The following TAS2R1 variants were observed in gnomAD, a reference collection of about 807,000 sequenced individuals.
TAS2R1 encodes taste 2 receptor member 1.
For missense variants in TAS2R1, 370 were observed against 353.4 expected, an observed-to-expected ratio of 1.05 and a Z score of -0.38; for synonymous variants, 141 against 134.2, an observed-to-expected ratio of 1.05 and a Z score of -0.35.
At chr5:9,764,073 A>G in the TAS2R1 span, among the ~76,000 whole-genome samples, 1 of 152,236 alleles carries the variant, frequency 6.6e-6, no homozygotes, top group Non-Finnish European at 1.5e-5. Flanking sequence ...TTGCTATTCA[A>G]AAATAAATTA....
chr5:9,681,975 T>A (rs1268417848), intron 1 of TAS2R1, among the ~76,000 whole-genome samples: 1 of 152,208 alleles, frequency 6.6e-6, no homozygotes, highest in African/African-American at 2.4e-5. Context: ...GTTGTTTTAA[T>A]TGCCTGTGTC....
chr5:9,903,732 G>T, the TAS2R1 span: 1 of 152,288 alleles, frequency 6.6e-6, no homozygotes, highest in South Asian at 2.1e-4. Context: ...CACCTGCTCT[G>T]GTGGAGGGGA....
upstream of TAS2R1, among the ~76,000 whole-genome samples, chr5:9,635,067 A>C (rs1399966052): frequency 6.6e-6 from 1 of 152,130 alleles, no homozygotes; most frequent in Non-Finnish European, 1.5e-5. Flanking sequence ...ATTCAATATA[A>C]TGTTGGCTGT....
the TAS2R1 span, among the ~76,000 whole-genome samples, chr5:9,840,874 T>A: frequency 0.22 from 6,932 of 31,844 alleles, 519 homozygotes; most frequent in East Asian, 0.47. Flanking sequence ...TTTTTTTTTT[T>A]TTTTTTTTTT....
chr5:9,842,262 T>C, the TAS2R1 span, among the ~76,000 whole-genome samples: 1 of 151,840 alleles, frequency 6.6e-6, no homozygotes, highest in Non-Finnish European at 1.5e-5. Flanking sequence ...GAGCATGTTA[T>C]CTTCCTCCAG....
At chr5:9,834,709 G>T in the TAS2R1 span, among the ~76,000 whole-genome samples, 40 of 151,820 alleles carry the variant, frequency 2.6e-4, no homozygotes, top group Non-Finnish European at 5.2e-4. Context: ...GCAGTATTAG[G>T]GGTAGTGCTG....
chr5:9,651,751 A>G (rs1740309638), intron 2 of TAS2R1, among the ~76,000 whole-genome samples: 1 of 151,984 alleles, frequency 6.6e-6, no homozygotes, highest in Non-Finnish European at 1.5e-5. Context: ...CGGAGACCAG[A>G]AGCAACTTAT....
At chr5:9,764,270 AC>A in the TAS2R1 span, among the ~76,000 whole-genome samples, 2 of 152,210 alleles carry the variant, frequency 1.3e-5, no homozygotes, top group Non-Finnish European at 2.9e-5. Context: ...TTACTTTTCT[AC>A]CACCCTATGT....
chr5:9,734,940 C>A, the TAS2R1 span, among the ~76,000 whole-genome samples: 1 of 151,538 alleles, frequency 6.6e-6, no homozygotes, highest in South Asian at 2.1e-4. Flanking sequence ...TGAAGAACTA[C>A]CTGAGACTGA....
At chr5:9,856,575 C>G in the TAS2R1 span, among the ~76,000 whole-genome samples, 35 of 152,314 alleles carry the variant, frequency 2.3e-4, no homozygotes, top group Middle Eastern at 3.4e-3. Context: ...CAGGGATCCA[C>G]AGATTACAAA....
the TAS2R1 span, among the ~76,000 whole-genome samples, chr5:9,807,990 G>A: frequency 2.0e-5 from 3 of 152,152 alleles, no homozygotes; most frequent in Admixed American, 2.0e-4. Context: ...AAGAAGTGGG[G>A]TGTTGCTCTA....
the TAS2R1 span, among the ~76,000 whole-genome samples, chr5:9,730,481 C>A: frequency 1.3e-5 from 2 of 152,208 alleles, no homozygotes; most frequent in Admixed American, 1.3e-4. Context: ...GCTGCCACAC[C>A]TGTGCAGGTG....
upstream of TAS2R1, among the ~76,000 whole-genome samples, chr5:9,634,785 A>G (rs1178760302): frequency 6.6e-6 from 1 of 152,094 alleles, no homozygotes; most frequent in Non-Finnish European, 1.5e-5. Context: ...TGATTTGTGT[A>G]CACTGACTTT....
the TAS2R1 span, among the ~76,000 whole-genome samples, chr5:9,746,490 A>G: frequency 6.6e-6 from 1 of 152,236 alleles, no homozygotes; most frequent in South Asian, 2.1e-4. Context: ...AGGACTATTT[A>G]TAATAGCAAA....
the TAS2R1 span, among the ~76,000 whole-genome samples, chr5:9,762,716 AG>A: frequency 6.6e-6 from 1 of 152,250 alleles, no homozygotes; most frequent in Admixed American, 6.5e-5. Flanking sequence ...GAATTCAAAA[AG>A]GAAAGAGTGG....
At chr5:9,694,905 T>C (rs1441020520) in intron 1 of TAS2R1, among the ~76,000 whole-genome samples, 1 of 152,246 alleles carries the variant, frequency 6.6e-6, no homozygotes, top group Non-Finnish European at 1.5e-5. Flanking sequence ...TTTTCTCAAA[T>C]CCATGATATC....
At chr5:9,875,809 A>G in the TAS2R1 span, among the ~76,000 whole-genome samples, 2 of 152,218 alleles carry the variant, frequency 1.3e-5, no homozygotes, top group Non-Finnish European at 2.9e-5. Context: ...CATAAACTGG[A>G]CAAATACAGT....
intron 1 of TAS2R1, among the ~76,000 whole-genome samples, chr5:9,711,313 C>T (rs1279791820): frequency 2.6e-5 from 4 of 152,224 alleles, no homozygotes; most frequent in Non-Finnish European, 1.5e-5. Context: ...TATATCCATA[C>T]AATGGAATAT....
chr5:9,862,543 A>C, the TAS2R1 span, among the ~76,000 whole-genome samples: 1 of 152,164 alleles, frequency 6.6e-6, no homozygotes. Context: ...CTAAGTTAGA[A>C]CAGGAAGGGA....
Sources: gnomAD v4.1 joint callset for allele counts (sites outside exome capture counted in the v4.1 genomes callset) on GRCh38, gnomAD v4.1.1 for gene constraint, MANE v1.5 for transcripts, NCBI Gene and HGNC (gene_info 2026-07-23, HGNC 2026-07-21) for gene names.